The following PCGF6 variants were observed in gnomAD, a reference collection of about 807,000 sequenced individuals.
PCGF6 encodes the protein polycomb group RING finger protein 6.
PCGF6 carries 24 observed loss-of-function variants against 45.5 expected under a neutral mutation model. The observed-to-expected ratio is 0.53, with a 90% CI of 0.38 to 0.74. The LOEUF (loss-of-function observed/expected upper bound fraction) is 0.74, where lower values mean the gene tolerates loss of function less well. Among genes scored for constraint, PCGF6 ranks in the 30% least tolerant of loss-of-function variants. The pLI is 0.00. For missense variants in PCGF6, 356 were observed against 443.2 expected (o/e 0.80, Z 1.77); for synonymous variants, 152 against 162.1 (o/e 0.94, Z 0.47).
rs756330029 is a variant in PCGF6 at position 103,333,958 on chromosome 10, A to G, written c.783-6T>C. 1.3e-6 allele frequency: 2 copies of G among 1,528,398 alleles called. No homozygotes were observed. Among genetic ancestry groups the G allele is most frequent in the African/African-American group, 2.8e-5 (2 of 70,610 alleles). The allele number at this position is 1,528,398 out of a possible 1,614,324, so 94.7% of individuals were successfully genotyped here. On this transcript the variant is annotated splice_polypyrimidine_tract_variant and splice_region_variant and intron_variant, in intron 6 of 9. Coordinates refer to ENST00000369847, the MANE Select transcript of PCGF6 (RefSeq NM_001011663.2). Reference sequence around the variant, plus strand: ...GTCCCGTGCCTTCATTAGCACTGAAAAATGAGAGCAAAATTAATCAATATT... The same window carrying G: ...GTCCCGTGCCTTCATTAGCACTGAAGAATGAGAGCAAAATTAATCAATATT...
chr10:103,326,426 A>AAACAAAAAT, intron 8 of PCGF6, 108 bp downstream of exon 8: 1 of 719,422 alleles, frequency 1.4e-6, no homozygotes, highest in South Asian at 2.6e-5. Context: ...CAACATCATA[A>AAACAAAAAT]AACAAAAATA....
At chr10:103,332,793 T>C (rs1302281078) in intron 7 of PCGF6, among the ~76,000 whole-genome samples, 1 of 152,122 alleles carries the variant, frequency 6.6e-6, no homozygotes, top group Non-Finnish European at 1.5e-5. Context: ...TTTTACAACT[T>C]AGAAGAGGTT....
intron 9 of PCGF6, among the ~76,000 whole-genome samples, chr10:103,304,613 T>A (rs1327047689): frequency 6.6e-6 from 1 of 151,364 alleles, no homozygotes; most frequent in African/African-American, 2.4e-5. Context: ...AGTGCTGGGA[T>A]TAGAGGCGTG....
chr10:103,330,915 C>T lies in PCGF6; in HGVS notation c.810+3010G>A, dbSNP rs565847761. ...CTGCACTCCAGCCTGGGTGACAGAG[C>T]GAGACTCCATCTCCAACAAGAAAAA... On this transcript the variant is annotated intron_variant, in intron 7 of 9. Coordinates refer to ENST00000369847, the MANE Select transcript of PCGF6 (RefSeq NM_001011663.2). Among the ~76,000 whole-genome samples, 23 of 152,206 alleles carry T rather than the reference C, an allele frequency of 1.5e-4. No individual in the cohort carries two copies. In the South Asian group the frequency reaches 3.7e-3, roughly 25 times the overall value.
At chr10:103,349,283 G>C (rs534960890) in intron 1 of PCGF6, among the ~76,000 whole-genome samples, 1 of 151,710 alleles carries the variant, frequency 6.6e-6, no homozygotes, top group African/African-American at 2.4e-5. Flanking sequence ...CCTGGCCTCA[G>C]GTGATCCACC....
chr10:103,310,845 G>A (rs1042172325), intron 9 of PCGF6, among the ~76,000 whole-genome samples: 1 of 152,092 alleles, frequency 6.6e-6, no homozygotes, highest in East Asian at 1.9e-4. Context: ...TGGGACTATA[G>A]GCATGTGCCA....
In PCGF6 at chr10:103,326,642, C is replaced by A. The variant is rs780747366; in HGVS notation, c.811-10G>T. ...ACTTCTTTTCCAATGGCTACAAAAA[C>A]AGACAGATAAAACTATTTTTAGGTT... On this transcript the variant is annotated splice_polypyrimidine_tract_variant and intron_variant, in intron 7 of 9. Transcript: ENST00000369847. The A allele has an allele frequency of 6.2e-7, 1 of 1,602,736 alleles. No homozygotes were observed. The highest frequency in any genetic ancestry group is 8.5e-7 in the Non-Finnish European group (1 of 1,174,142).
intron 6 of PCGF6, among the ~76,000 whole-genome samples, chr10:103,338,987 C>G (rs1446002006): frequency 6.6e-6 from 1 of 152,148 alleles, no homozygotes; most frequent in Non-Finnish European, 1.5e-5. Flanking sequence ...CCAAGTCAAG[C>G]AGAGTCAAGC....
chr10:103,314,390 A>G, intron 8 of PCGF6, 118 bp from the exon 9 acceptor site: 1 of 604,000 alleles, frequency 1.7e-6, no homozygotes. Context: ...TTTATTTTAG[A>G]CTGATTAAAC....
At chr10:103,306,968 G>GC (rs755546249) in intron 9 of PCGF6, among the ~76,000 whole-genome samples, 28 of 152,114 alleles carry the variant, frequency 1.8e-4, no homozygotes, top group Middle Eastern at 3.4e-3. Flanking sequence ...GCCAGGTGTG[G>GC]TGGCACATGT....
chr10:103,326,324 G>A (rs1419442757), intron 8 of PCGF6, among the ~76,000 whole-genome samples: 1 of 150,008 alleles, frequency 6.7e-6, no homozygotes, highest in Non-Finnish European at 1.5e-5. Flanking sequence ...GGGAGGCTGA[G>A]CTTGCAGTGA....
chr10:103,338,558 A>AG (rs2133589200), intron 6 of PCGF6, among the ~76,000 whole-genome samples: 1 of 151,188 alleles, frequency 6.6e-6, no homozygotes, highest in East Asian at 2.0e-4. Context: ...AAAAAAAAAA[A>AG]AAGAAGACCA....
At chr10:103,305,158 T>C (rs1346740702) in intron 9 of PCGF6, among the ~76,000 whole-genome samples, 1 of 151,956 alleles carries the variant, frequency 6.6e-6, no homozygotes, top group African/African-American at 2.4e-5. Flanking sequence ...TTTCCCAGTA[T>C]AAACGAGGTC....
intron 8 of PCGF6, among the ~76,000 whole-genome samples, chr10:103,316,608 A>T (rs1046094869): frequency 6.6e-6 from 1 of 152,158 alleles, no homozygotes; most frequent in Non-Finnish European, 1.5e-5. Flanking sequence ...TCCAAAGCCT[A>T]AATGCCATCT....
intron 5 of PCGF6, 131 bp downstream of exon 5, chr10:103,347,107 C>T (rs2093302456): frequency 1.5e-6 from 1 of 656,826 alleles, no homozygotes; most frequent in African/African-American, 1.8e-5. Flanking sequence ...AATTGGATTA[C>T]ACACAGCATT....
At chr10:103,323,366 G>A (rs958571656) in intron 8 of PCGF6, among the ~76,000 whole-genome samples, 2 of 151,836 alleles carry the variant, frequency 1.3e-5, no homozygotes, top group Non-Finnish European at 2.9e-5. Flanking sequence ...GCGCCATCTC[G>A]GCTCACTGCA....
In PCGF6 at chr10:103,345,094, T is replaced by C; in HGVS notation, c.712A>G (p.Lys238Glu). ...CGAAACACTGATTCTAGGACTTTTT[T>C]AGATCTTCCTTTGCTTGAAGGGACT... ...QPVPSSKGRS[K>E]KVLESVFRIP... Residue 238 changes from lysine (K) to glutamate (E), a missense_variant, in exon 6 of 10, where the codon AAA (lysine) becomes GAA (glutamate). Lys to Glu is a moderately conservative substitution (Grantham distance 56). Transcript: ENST00000369847. The C allele has an allele frequency of 1.2e-6, 2 of 1,613,340 alleles. No homozygotes were observed. Among genetic ancestry groups the C allele is most frequent in the East Asian group, 2.2e-5 (1 of 44,830 alleles).
At chr10:103,323,402 T>G (rs2093204946) in intron 8 of PCGF6, among the ~76,000 whole-genome samples, 1 of 151,908 alleles carries the variant, frequency 6.6e-6, no homozygotes, top group African/African-American at 2.4e-5. Context: ...GTTCAAGTGA[T>G]TCTCCTGCCT....
intron 7 of PCGF6, among the ~76,000 whole-genome samples, chr10:103,327,347 A>G (rs1308177347): frequency 6.6e-6 from 1 of 152,184 alleles, no homozygotes; most frequent in African/African-American, 2.4e-5. Context: ...AAGATGGAGA[A>G]GGAATGGCGA....
Sources: allele counts gnomAD v4.1 joint callset (sites outside exome capture counted in the v4.1 genomes callset), GRCh38; gene constraint gnomAD v4.1.1; transcripts MANE v1.5; gene names NCBI Gene and HGNC (gene_info 2026-07-23, HGNC 2026-07-21).